The following SGCZ variants were observed in gnomAD, a reference collection of about 807,000 sequenced individuals.
The protein encoded by SGCZ is sarcoglycan zeta, also known as zeta-sarcoglycan.
Under a neutral mutation model 41.3 loss-of-function variants are expected in SGCZ, and 40 were observed. The ratio of observed to expected loss-of-function variants is 0.97; its 90% CI spans 0.75 to 1.26. The LOEUF (loss-of-function observed/expected upper bound fraction) is 1.26. SGCZ is among the 50% of genes most tolerant of loss of function. The pLI, the probability that SGCZ is intolerant of heterozygous loss-of-function variation, is 0.00. For missense variants in SGCZ, 552 were observed against 369.8 expected (o/e 1.49, Z -4.04); for synonymous variants, 206 against 137.5 (o/e 1.50, Z -3.49).
chr8:14,558,094 C>T (rs1804088136), intron 1 of SGCZ, among the ~76,000 whole-genome samples: 1 of 152,046 alleles, frequency 6.6e-6, no homozygotes, highest in African/African-American at 2.4e-5. Flanking sequence ...CAAAAAGATA[C>T]AACCTTCCTA....
At chr8:14,441,085 G>A (rs77449503) in intron 2 of SGCZ, among the ~76,000 whole-genome samples, 4,778 of 152,128 alleles carry the variant, frequency 0.031, 225 homozygotes, top group African/African-American at 0.11. Flanking sequence ...ATACAGGACC[G>A]AAGTCTGGTC....
chr8:15,119,465 C>G (rs1048799966), intron 1 of SGCZ, among the ~76,000 whole-genome samples: 1 of 151,126 alleles, frequency 6.6e-6, no homozygotes, highest in African/African-American at 2.4e-5. Context: ...CGGAGGCACA[C>G]AAGTTGCAAT....
At chr8:15,234,915 T>C (rs1049674763) in intron 1 of SGCZ, among the ~76,000 whole-genome samples, 15 of 152,234 alleles carry the variant, frequency 9.9e-5, no homozygotes, top group African/African-American at 3.6e-4. Context: ...TATATTTTTA[T>C]ACTTTTATGC....
chr8:14,445,682 G>A (rs376430765), intron 2 of SGCZ, among the ~76,000 whole-genome samples: 2 of 152,102 alleles, frequency 1.3e-5, no homozygotes, highest in African/African-American at 2.4e-5. Context: ...TTGACTGTGG[G>A]TACCCAAAAA....
At chr8:14,847,089 G>T (rs751024250) in intron 1 of SGCZ, among the ~76,000 whole-genome samples, 11 of 139,348 alleles carry the variant, frequency 7.9e-5, no homozygotes, top group Non-Finnish European at 1.7e-4. Flanking sequence ...CAAAATAGAA[G>T]AAGAAGAAAG....
chr8:14,440,945 A>G (rs935475779), intron 2 of SGCZ, among the ~76,000 whole-genome samples: 3 of 152,070 alleles, frequency 2.0e-5, no homozygotes, highest in Non-Finnish European at 2.9e-5. Context: ...AGTCTAAGAA[A>G]GTCATGGAGA....
chr8:14,797,801 C>T (rs1399560130), intron 1 of SGCZ, among the ~76,000 whole-genome samples: 2 of 152,200 alleles, frequency 1.3e-5, no homozygotes, highest in African/African-American at 4.8e-5. Flanking sequence ...GGATTTGGTG[C>T]CCTGCATCCC....
intron 2 of SGCZ, among the ~76,000 whole-genome samples, chr8:14,538,666 A>G (rs1166402121): frequency 6.6e-6 from 1 of 152,012 alleles, no homozygotes; most frequent in Non-Finnish European, 1.5e-5. Flanking sequence ...AAGCAAAAGC[A>G]TCTACCAGCA....
chr8:14,652,357 T>TGTG (rs1554473426), intron 1 of SGCZ, among the ~76,000 whole-genome samples: 12 of 59,698 alleles, frequency 2.0e-4, no homozygotes, highest in Admixed American at 6.4e-4. Context: ...GGGGGGGGTG[T>TGTG]GGGGGGGAGA....
intron 1 of SGCZ, among the ~76,000 whole-genome samples, chr8:14,683,373 A>T (rs1471944089): frequency 3.3e-5 from 5 of 152,194 alleles, no homozygotes; most frequent in Non-Finnish European, 1.5e-5. Flanking sequence ...CTACAAAAAC[A>T]TTCAGAAGCA....
intron 1 of SGCZ, among the ~76,000 whole-genome samples, chr8:14,678,337 A>G (rs1396115798): frequency 6.6e-6 from 1 of 152,222 alleles, no homozygotes; most frequent in Non-Finnish European, 1.5e-5. Context: ...GAACTCTTAA[A>G]ATAAGAAATC....
At chr8:14,588,532 A>G (rs1805136986) in intron 1 of SGCZ, among the ~76,000 whole-genome samples, 1 of 152,176 alleles carries the variant, frequency 6.6e-6, no homozygotes, top group Non-Finnish European at 1.5e-5. Flanking sequence ...TATGTGATTC[A>G]AATATTACAA....
At chr8:14,166,140 G>T (rs1490337954) in intron 4 of SGCZ, among the ~76,000 whole-genome samples, 1 of 151,986 alleles carries the variant, frequency 6.6e-6, no homozygotes, top group East Asian at 1.9e-4. Context: ...GCTATGCTAA[G>T]TAAGATTAAA....
At chr8:15,039,576 T>G (rs897070650) in intron 1 of SGCZ, among the ~76,000 whole-genome samples, 1 of 152,186 alleles carries the variant, frequency 6.6e-6, no homozygotes, top group Non-Finnish European at 1.5e-5. Context: ...CCAATAACAA[T>G]GTACTACAGT....
At chr8:14,286,076 A>T (rs2410171) in intron 3 of SGCZ, among the ~76,000 whole-genome samples, 31,643 of 150,824 alleles carry the variant, frequency 0.21, 3,511 homozygotes, top group East Asian at 0.29. Flanking sequence ...CAGTCAATGT[A>T]TTTTGTTTTT....
chr8:15,137,321 C>T (rs1307844151), intron 1 of SGCZ, among the ~76,000 whole-genome samples: 2 of 152,162 alleles, frequency 1.3e-5, no homozygotes, highest in Non-Finnish European at 2.9e-5. Context: ...GGAAAATTTG[C>T]AGCCTGACAA....
At chr8:14,237,799 AGTTAATTTAACGTCCC>A (rs1806823495) in intron 3 of SGCZ, 120 bp from the exon 4 acceptor site, 2 of 780,598 alleles carry the variant, frequency 2.6e-6, no homozygotes, top group Admixed American at 2.6e-5. Flanking sequence ...TATATTAGAC[AGTTAATTTAACGTCCC>A]AATCATTGGT....
chr8:14,556,778 T>C (rs1489477632), intron 1 of SGCZ, among the ~76,000 whole-genome samples: 1 of 152,092 alleles, frequency 6.6e-6, no homozygotes, highest in Non-Finnish European at 1.5e-5. Context: ...ATTAATTCCT[T>C]CCTTTTTATG....
intron 1 of SGCZ, among the ~76,000 whole-genome samples, chr8:14,975,463 A>T (rs936365180): frequency 1.1e-4 from 17 of 152,178 alleles, no homozygotes; most frequent in African/African-American, 3.9e-4. Context: ...TCTGAAAGAT[A>T]TGTAGGCTTC....
Sources: gnomAD v4.1 joint callset for allele counts (sites outside exome capture counted in the v4.1 genomes callset) on GRCh38, gnomAD v4.1.1 for gene constraint, MANE v1.5 for transcripts, NCBI Gene and HGNC (gene_info 2026-07-23, HGNC 2026-07-21) for gene names.